The following ATP10A variants were observed in gnomAD, a reference collection of about 807,000 sequenced individuals.
The protein encoded by ATP10A is ATPase phospholipid transporting 10A (putative).
A neutral mutation model predicts 147.8 loss-of-function variants in ATP10A; 111 were observed. The observed-to-expected ratio is 0.75, with a 90% CI of 0.64 to 0.88. The LOEUF is 0.88. Among genes scored for constraint, ATP10A ranks in the 40% least tolerant of loss-of-function variants. The pLI is 0.00. For missense variants in ATP10A, 1,927 were observed against 1,959.0 expected (o/e 0.98, Z 0.31); for synonymous variants, 875 against 841.6 (o/e 1.04, Z -0.69).
At chr15:25,853,974 G>T (rs926983492) in intron 1 of ATP10A, among the ~76,000 whole-genome samples, 2 of 150,992 alleles carry the variant, frequency 1.3e-5, no homozygotes, top group African/African-American at 4.9e-5. Flanking sequence ...AAAGACTCAG[G>T]AGACAACTTG....
chr15:25,675,508 C>T (rs765146884), downstream of ATP10A, among the ~76,000 whole-genome samples: 3 of 150,704 alleles, frequency 2.0e-5, no homozygotes, highest in African/African-American at 2.4e-5. Context: ...TCTCAGGGCC[C>T]GTGTAACAGC....
chr15:25,828,317 A>T lies in ATP10A; in HGVS notation c.449+34331T>A, dbSNP rs115727071. Among the ~76,000 whole-genome samples the T allele has an allele frequency of 3.3e-3, 502 of 152,278 alleles. 3 individuals carry two copies. Among genetic ancestry groups the T allele is most frequent in the African/African-American group, 0.012 (491 of 41,568 alleles). On this transcript the variant is annotated intron_variant, in intron 1 of 20. Transcript: ENST00000555815. ...TAGACCTGACAGACAACTGTAGAAT[A>T]CTCTGCCCAGCAACAGTAGAATAAA...
intron 2 of ATP10A, among the ~76,000 whole-genome samples, chr15:25,774,691 A>T (rs1223293115): frequency 2.4e-5 from 3 of 124,082 alleles, no homozygotes; most frequent in South Asian, 2.5e-4. Flanking sequence ...ACCAGAATTT[A>T]AAAAAAAAAT....
chr15:25,728,917 G>T (rs1902762978), intron 3 of ATP10A, among the ~76,000 whole-genome samples: 1 of 152,144 alleles, frequency 6.6e-6, no homozygotes, highest in Admixed American at 6.5e-5. Flanking sequence ...GGGGAGGCTG[G>T]AGAACGACAT....
chr15:25,858,775 C>T (rs933226638), intron 1 of ATP10A, among the ~76,000 whole-genome samples: 6 of 152,124 alleles, frequency 3.9e-5, no homozygotes, highest in African/African-American at 7.2e-5. Flanking sequence ...AGGGAAAAGT[C>T]GCCTCCGGTT....
chr15:25,759,245 A>G lies in ATP10A; in HGVS notation c.654+21774T>C, dbSNP rs148971831. On this transcript the variant is annotated intron_variant, in intron 2 of 20. Coordinates refer to ENST00000555815, the MANE Select transcript of ATP10A (RefSeq NM_024490.4). The stretch of plus-strand genomic sequence containing the variant: ...ACCAAAACTTTATATATAACAATAT[A>G]TATAACAAAATGATAAAGGGAAAAG... Among the ~76,000 whole-genome samples the G allele has an allele frequency of 1.4e-3, 216 of 152,338 alleles. 1 individual carries two copies. The highest frequency in any genetic ancestry group is 5.1e-3 in the African/African-American group (212 of 41,582).
At chr15:25,777,778 C>CAT (rs1889688510) in intron 2 of ATP10A, among the ~76,000 whole-genome samples, 2 of 123,946 alleles carry the variant, frequency 1.6e-5, no homozygotes, top group Non-Finnish European at 3.5e-5. Flanking sequence ...TTTTTTCTTT[C>CAT]TTTCTTTTTT....
At chr15:25,838,852 T>A (rs1892692578) in intron 1 of ATP10A, among the ~76,000 whole-genome samples, 1 of 152,102 alleles carries the variant, frequency 6.6e-6, no homozygotes, top group Non-Finnish European at 1.5e-5. Flanking sequence ...GAGCGAGCAG[T>A]GTGTTTGCAG....
At chr15:25,861,526 T>G (rs1361960737) in intron 1 of ATP10A, among the ~76,000 whole-genome samples, 1 of 152,176 alleles carries the variant, frequency 6.6e-6, no homozygotes, top group Non-Finnish European at 1.5e-5. Context: ...TCATCCAAGC[T>G]ATGAGTGCCT....
At chr15:25,861,828 G>C (rs1893772429) in intron 1 of ATP10A, 1 of 158,144 alleles carries the variant, frequency 6.3e-6, no homozygotes, top group African/African-American at 2.4e-5. Flanking sequence ...GCTGGACACA[G>C]CTCCAAGATG....
intron 13 of ATP10A, among the ~76,000 whole-genome samples, chr15:25,698,567 GGA>G (rs1479442531): frequency 5.3e-5 from 8 of 152,150 alleles, no homozygotes; most frequent in African/African-American, 1.9e-4. Context: ...TCAAGTTTTT[GGA>G]GAGTCAAAAG....
At chr15:25,799,061 T>C (rs988411086) in intron 1 of ATP10A, among the ~76,000 whole-genome samples, 3 of 152,230 alleles carry the variant, frequency 2.0e-5, no homozygotes, top group African/African-American at 7.2e-5. Flanking sequence ...CATGCCTGCT[T>C]GCCCGCAGTT....
At chr15:25,677,064 C>G (rs1437291698), downstream of ATP10A, among the ~76,000 whole-genome samples, 1 of 152,090 alleles carries the variant, frequency 6.6e-6, no homozygotes, top group Non-Finnish European at 1.5e-5. Context: ...CCTCCGAGAA[C>G]TTAGAATTAA....
chr15:25,777,652 G>C (rs544554649), intron 2 of ATP10A, among the ~76,000 whole-genome samples: 8 of 152,154 alleles, frequency 5.3e-5, no homozygotes, highest in Admixed American at 4.6e-4. Flanking sequence ...CCAGGCTGGA[G>C]TGCAGTGGCA....
At chr15:25,836,087 A>G (rs563448769) in intron 1 of ATP10A, among the ~76,000 whole-genome samples, 4 of 152,328 alleles carry the variant, frequency 2.6e-5, no homozygotes, top group African/African-American at 9.6e-5. Context: ...TGCTGGGATT[A>G]CAGGCATGAG....
At chr15:25,767,352 C>T (rs532801049) in intron 2 of ATP10A, among the ~76,000 whole-genome samples, 13 of 152,280 alleles carry the variant, frequency 8.5e-5, no homozygotes, top group South Asian at 4.1e-4. Flanking sequence ...ATGGAGGCTG[C>T]GCCACATCCC....
chr15:25,699,834 C>T (rs1044163184), intron 13 of ATP10A, among the ~76,000 whole-genome samples: 5 of 152,104 alleles, frequency 3.3e-5, no homozygotes, highest in African/African-American at 1.2e-4. Flanking sequence ...CACCACTGCA[C>T]TCCAGCCTGG....
chr15:25,759,116 G>C (rs1313065806), intron 2 of ATP10A, among the ~76,000 whole-genome samples: 2 of 152,186 alleles, frequency 1.3e-5, no homozygotes, highest in African/African-American at 2.4e-5. Context: ...ATGTGCACTC[G>C]CCATTGTTCC....
At chr15:25,732,639 TC>T (rs5811394) in intron 3 of ATP10A, among the ~76,000 whole-genome samples, 140,013 of 145,506 alleles carry the variant, frequency 0.96, 67,602 homozygotes, top group East Asian at 1. Context: ...CACTGCAAGC[TC>T]CGCCTCCCGG....
Sources: gnomAD v4.1 joint callset for allele counts (sites outside exome capture counted in the v4.1 genomes callset) on GRCh38, gnomAD v4.1.1 for gene constraint, MANE v1.5 for transcripts, NCBI Gene and HGNC (gene_info 2026-07-23, HGNC 2026-07-21) for gene names.